The following TEX9 variants were observed in gnomAD, a reference collection of about 807,000 sequenced individuals.
TEX9 encodes the protein testis expressed 9, also known as testis-expressed protein 9.
Under a neutral mutation model 59.6 loss-of-function variants are expected in TEX9, and 74 were observed. That is an observed-to-expected ratio of 1.24 (90% CI 1.03 to 1.51). The LOEUF (loss-of-function observed/expected upper bound fraction) is 1.51. TEX9 is among the 40% of genes most tolerant of loss of function. TEX9 has a pLI of 0.00. For synonymous variants in TEX9, 186 were observed against 152.2 expected (o/e 1.22, Z -1.64); for missense variants, 522 against 447.8 (o/e 1.17, Z -1.49).
intron 12 of TEX9, chr15:56,431,329 A>G: frequency 4.4e-6 from 7 of 1,598,010 alleles, no homozygotes; most frequent in Non-Finnish European, 6.0e-6. Context: ...TTTTTTCACT[A>G]TTACAGGTCA....
intron 1 of TEX9, among the ~76,000 whole-genome samples, chr15:56,268,721 T>G (rs1008235647): frequency 5.9e-5 from 9 of 152,124 alleles, no homozygotes; most frequent in Non-Finnish European, 1.2e-4. Context: ...GCTGGATTCG[T>G]TTTGCCAGTA....
intron 1 of TEX9, among the ~76,000 whole-genome samples, chr15:56,319,307 G>A (rs2247095): frequency 1 from 151,110 of 151,212 alleles, 75,504 homozygotes; most frequent in Non-Finnish European, 1. Flanking sequence ...TATCAAAGGA[G>A]GGGTTTTTAA....
intron 1 of TEX9, among the ~76,000 whole-genome samples, chr15:56,279,298 A>G (rs1475768638): frequency 6.6e-6 from 1 of 152,222 alleles, no homozygotes; most frequent in Non-Finnish European, 1.5e-5. Flanking sequence ...GGCTTTGGCC[A>G]TAAAAGTGAA....
At chr15:56,435,252 C>A (rs892206728) in intron 12 of TEX9, among the ~76,000 whole-genome samples, 1 of 151,706 alleles carries the variant, frequency 6.6e-6, no homozygotes, top group Non-Finnish European at 1.5e-5. Flanking sequence ...ATCTAAGCCC[C>A]CACTTCAAGA....
intron 1 of TEX9, among the ~76,000 whole-genome samples, chr15:56,340,225 G>T (rs2046345813): frequency 6.6e-6 from 1 of 152,096 alleles, no homozygotes; most frequent in Admixed American, 6.5e-5. Flanking sequence ...TGAGGATTCT[G>T]CCAATTGCTA....
In TEX9 at chr15:56,252,379, C is replaced by CTTTTTTTT. The variant is rs3050136; in HGVS notation, c.-107+8110_-107+8117dup. Among the ~76,000 whole-genome samples, 318 of 119,674 alleles carry CTTTTTTTT rather than the reference C, an allele frequency of 2.7e-3. 6 individuals carry two copies. The highest frequency in any genetic ancestry group is 0.017 in the East Asian group (68 of 4,034). 78.5% of individuals were successfully genotyped at this position (119,674 alleles called of 152,430 possible). A position where few individuals can be genotyped will look rare whatever the true frequency, so the allele number is the denominator to read the frequency against. ...TGTTGAATTGAGCTATTAGAAAAAC[C>CTTTTTTTT]TTTTTTTTTTTTTTTTGTCCAGGCC... On this transcript the variant is annotated intron_variant, in intron 1 of 5. Coordinates refer to the TEX9 transcript ENST00000560827.
rs2043891545 is a variant in TEX9 at position 56,247,596 on chromosome 15, C to T, written c.-107+3318C>T. On this transcript the variant is annotated intron_variant, in intron 1 of 5. Coordinates refer to the TEX9 transcript ENST00000560827. Reference sequence around the variant, plus strand: ...ACGGTGTTGACTCTGTGATCAGATCCTAAAGTAGTATAGGCGAGGGAAAAG... The same window carrying T: ...ACGGTGTTGACTCTGTGATCAGATCTTAAAGTAGTATAGGCGAGGGAAAAG... Among the ~76,000 whole-genome samples, 3 of 152,010 alleles carry T rather than the reference C, an allele frequency of 2.0e-5. No homozygotes were observed. In the South Asian group the frequency reaches 6.2e-4, roughly 32 times the overall value.
upstream of TEX9, among the ~76,000 whole-genome samples, chr15:56,362,010 T>C (rs1216617321): frequency 6.6e-6 from 1 of 152,030 alleles, no homozygotes; most frequent in Non-Finnish European, 1.5e-5. Flanking sequence ...GGTGCTTTAT[T>C]ACAGCTACCC....
intron 12 of TEX9, among the ~76,000 whole-genome samples, chr15:56,430,849 C>T (rs188401962): frequency 1.3e-5 from 2 of 152,284 alleles, no homozygotes; most frequent in East Asian, 3.9e-4. Flanking sequence ...AGATTTCCTA[C>T]ACTAAAAGGG....
chr15:56,300,708 G>GGGAGAGAGGGAGA (rs1160272154), intron 1 of TEX9, among the ~76,000 whole-genome samples: 1 of 102,670 alleles, frequency 9.7e-6, no homozygotes, highest in African/African-American at 4.0e-5. Context: ...AGAGAGAGAG[G>GGGAGAGAGGGAGA]GAGAGAGAGA....
At chr15:56,269,677 G>A (rs1262402271) in intron 1 of TEX9, among the ~76,000 whole-genome samples, 2 of 147,834 alleles carry the variant, frequency 1.4e-5, no homozygotes, top group African/African-American at 2.5e-5. Context: ...TTTTGAGACG[G>A]AGTCTCGCTC....
chr15:56,307,529 C>T (rs570611374), intron 1 of TEX9, among the ~76,000 whole-genome samples: 2 of 152,332 alleles, frequency 1.3e-5, no homozygotes, highest in South Asian at 4.1e-4. Flanking sequence ...AACCAACCTA[C>T]ATTTATTAAA....
intron 1 of TEX9, among the ~76,000 whole-genome samples, chr15:56,288,940 A>G (rs542751641): frequency 9.9e-5 from 15 of 151,854 alleles, no homozygotes; most frequent in African/African-American, 3.1e-4. Flanking sequence ...TTTCCCCCTT[A>G]GTGCATATTT....
chr15:56,447,012 G>C, downstream of TEX9: 1 of 1,039,400 alleles, frequency 9.6e-7, no homozygotes, highest in South Asian at 1.4e-5. Flanking sequence ...ACAGAAAACT[G>C]AGTAACTGTA....
intron 1 of TEX9, among the ~76,000 whole-genome samples, chr15:56,288,400 T>C (rs926782141): frequency 6.6e-6 from 1 of 152,138 alleles, no homozygotes; most frequent in East Asian, 1.9e-4. Context: ...AAGGACTCTC[T>C]TTAGCATTTC....
intron 1 of TEX9, among the ~76,000 whole-genome samples, chr15:56,331,534 C>T (rs1464480936): frequency 2.0e-5 from 3 of 151,966 alleles, no homozygotes; most frequent in African/African-American, 7.3e-5. Flanking sequence ...GGAAATTAAA[C>T]AATATGCTCC....
At chr15:56,317,105 C>T (rs534020183) in intron 1 of TEX9, among the ~76,000 whole-genome samples, 34 of 152,302 alleles carry the variant, frequency 2.2e-4, no homozygotes, top group East Asian at 7.7e-4. Context: ...GGAAATCACC[C>T]GTCTTCTGCG....
At chr15:56,343,887 C>G (rs1279521198) in intron 1 of TEX9, among the ~76,000 whole-genome samples, 2 of 152,012 alleles carry the variant, frequency 1.3e-5, no homozygotes, top group African/African-American at 4.8e-5. Context: ...CCAAAGAAAA[C>G]GTAAAAATGG....
At position 56,368,298 on chromosome 15, in the gene TEX9, C is replaced by G. The variant is rs560347840; in HGVS notation, c.119+2628C>G. Among the ~76,000 whole-genome samples the G allele has an allele frequency of 9.9e-5, 15 of 152,138 alleles. 1 individual carries two copies. Among genetic ancestry groups the G allele is most frequent in the African/African-American group, 3.4e-4 (14 of 41,526 alleles). On this transcript the variant is annotated intron_variant, in intron 2 of 12. Transcript: ENST00000352903. ...ACTACAAAGGCAGGTTTCTTGTTTT[C>G]CTTTAAAGACTGCTAGATTTGATTG...
Sources: gnomAD v4.1 joint callset for allele counts (sites outside exome capture counted in the v4.1 genomes callset) on GRCh38, gnomAD v4.1.1 for gene constraint, MANE v1.5 for transcripts, NCBI Gene and HGNC (gene_info 2026-07-23, HGNC 2026-07-21) for gene names.